Variants in REST observed in about 807,000 individuals in gnomAD.
REST encodes RE1-silencing transcription factor.
REST carries 1 observed loss-of-function variant against 30.4 expected under a neutral mutation model. That is an observed-to-expected ratio of 0.03 (90% confidence interval 0.01 to 0.16). REST has a LOEUF of 0.16. Among genes scored for constraint, REST ranks in the 10% least tolerant of loss-of-function variants. REST has a pLI of 1.00. For missense variants in REST, 1,259 were observed against 1,329.5 expected (o/e 0.95, Z 0.82); for synonymous variants, 504 against 451.1 (o/e 1.12, Z -1.49).
rs756621666 is a variant in REST at position 56,911,041 on chromosome 4, A to C, written c.403A>C (p.Ser135Arg). The change falls in exon 2 of 4, where the codon AGT (serine) becomes CGT (arginine). Residue 135 changes from serine to arginine, a missense_variant. Transcript: ENST00000309042. Reference protein sequence around the residue: ...FEASGAPDIYSSNKDLPPETP... With the variant: ...FEASGAPDIYRSNKDLPPETP... ...GGCATCAGGTGCTCCAGATATTTAC[A>C]GTTCAAATAAAGATCTTCCCCCTGA... is the stretch of plus-strand genomic sequence containing the variant. 1.9e-6 allele frequency: 3 copies of C among 1,614,020 alleles called. No individual in the cohort carries two copies. The highest frequency in any genetic ancestry group is 1.7e-5 in the Admixed American group (1 of 59,992).
intron 3 of REST, among the ~76,000 whole-genome samples, chr4:56,922,847 C>T (rs1277321872): frequency 6.6e-6 from 1 of 152,176 alleles, no homozygotes; most frequent in Non-Finnish European, 1.5e-5. Flanking sequence ...GCTTGATAAT[C>T]TTTCTCGCAA....
chr4:56,930,372 A>C lies in REST; in HGVS notation c.1514A>C (p.His505Pro), dbSNP rs1720903446. 1 of 1,613,902 alleles carries C rather than the reference A, an allele frequency of 6.2e-7. No homozygotes were observed. Among genetic ancestry groups the C allele is most frequent in the Admixed American group, 1.7e-5 (1 of 59,976 alleles). Reference protein sequence around the residue: ...SVTEVKEMDVHTGSNSEKFSK... With the variant: ...SVTEVKEMDVPTGSNSEKFSK... ...ACAGAGGTGAAAGAGATGGATGTGCATACAGGAAGCAATTCAGAAAAATTC... is the reference window on the plus strand; with the variant it reads ...ACAGAGGTGAAAGAGATGGATGTGCCTACAGGAAGCAATTCAGAAAAATTC... The change falls in exon 4 of 4, where the codon CAT (histidine) becomes CCT (proline). Residue 505 changes from histidine to proline, a missense_variant. His to Pro is a moderately conservative substitution (Grantham distance 77). Coordinates refer to ENST00000309042, the MANE Select transcript of REST (RefSeq NM_005612.5).
intron 3 of REST, among the ~76,000 whole-genome samples, chr4:56,920,403 A>G (rs755022698): frequency 1.3e-5 from 2 of 150,908 alleles, no homozygotes; most frequent in Non-Finnish European, 2.9e-5. Context: ...TATTAAGAGT[A>G]TAGGACTGTA....
intron 2 of REST, among the ~76,000 whole-genome samples, chr4:56,918,999 T>A (rs1260802483): frequency 1.3e-5 from 2 of 149,826 alleles, no homozygotes; most frequent in African/African-American, 2.5e-5. Context: ...TTTTTTTTTT[T>A]AAACGAGATG....
chr4:56,913,780 C>G lies in REST; in HGVS notation c.898+2244C>G, dbSNP rs750098337. 1.1e-3 allele frequency among the ~76,000 whole-genome samples: 163 copies of G among 152,170 alleles called. 1 individual carries two copies. Among genetic ancestry groups the G allele is most frequent in the Admixed American group, 1.1e-3 (17 of 15,274 alleles). Reference sequence around the variant, plus strand: ...TCTCATGCCTCAGCCTCCCCAGTAGCTGGGATTATAGGTGCCCACCACCAT... The same window carrying G: ...TCTCATGCCTCAGCCTCCCCAGTAGGTGGGATTATAGGTGCCCACCACCAT... On this transcript the variant is annotated intron_variant, in intron 2 of 3. Transcript: ENST00000309042.
chr4:56,929,810 G>C (rs1720883617), intron 3 of REST, 31 bp from the exon 4 acceptor site: 1 of 1,560,480 alleles, frequency 6.4e-7, no homozygotes, highest in South Asian at 1.2e-5. Flanking sequence ...CTTAATCTAT[G>C]TCTTCTCTCA....
At position 56,931,553 on chromosome 4, in the gene REST, G is replaced by A. The variant is rs867829350; in HGVS notation, c.2695G>A (p.Ala899Thr). ...AGAAGCCCCTCTTCAGAAAGTAGGA[G>A]CAGAAGAGGCAGATGAGAGCCTACC... ...NKEAPLQKVG[A>T]EEADESLPGL... Residue 899 changes from alanine (A) to threonine (T), a missense_variant, in exon 4 of 4, where the codon GCA becomes ACA. By Grantham distance (58) the Ala-to-Thr change is moderately conservative (BLOSUM62 0). Transcript: ENST00000309042. The A allele has an allele frequency of 8.1e-6, 13 of 1,614,080 alleles. No homozygotes were observed. In the African/African-American group the frequency reaches 1.2e-4, roughly 15 times the overall value.
At position 56,933,217 on chromosome 4, in the gene REST, G is replaced by A. The variant is rs1031323156; in HGVS notation, c.*1065G>A. On this transcript the variant is annotated 3_prime_UTR_variant, in exon 4 of 4. Coordinates refer to ENST00000309042, the MANE Select transcript of REST (RefSeq NM_005612.5). The stretch of plus-strand genomic sequence containing the variant: ...ACCAACCATCAGTTTTTTTTTTCAT[G>A]TGTTTTGGTACAGCTAATTCCTAAT... The A allele has an allele frequency of 2.6e-5, 4 of 151,084 alleles. No individual in the cohort carries two copies. The highest frequency in any genetic ancestry group is 9.7e-5 in the African/African-American group (4 of 41,154). The allele number at this position is 151,084 out of a possible 1,614,324, so 9.4% of individuals were successfully genotyped here.
intron 3 of REST, among the ~76,000 whole-genome samples, chr4:56,926,282 G>T (rs11736869): frequency 1.1e-4 from 17 of 151,684 alleles, no homozygotes; most frequent in African/African-American, 3.9e-4. Context: ...ACTGGTCTCC[G>T]GCTCCTGGTC....
At chr4:56,912,595 A>G (rs1323705222) in intron 2 of REST, among the ~76,000 whole-genome samples, 6 of 151,776 alleles carry the variant, frequency 4.0e-5, no homozygotes, top group Admixed American at 2.6e-4. Context: ...GCTCACTGCA[A>G]CCTCTGTCTC....
chr4:56,927,269 G>A (rs1213467066), intron 3 of REST, among the ~76,000 whole-genome samples: 3 of 152,286 alleles, frequency 2.0e-5, no homozygotes, highest in East Asian at 3.9e-4. Flanking sequence ...GTCCACGTAT[G>A]TTAAAATGTT....
At chr4:56,913,524 G>C (rs1221992087) in intron 2 of REST, among the ~76,000 whole-genome samples, 1 of 152,136 alleles carries the variant, frequency 6.6e-6, no homozygotes, top group Admixed American at 6.6e-5. Flanking sequence ...AGGGGGTGTG[G>C]GATGCTGTTT....
chr4:56,924,849 C>T (rs1249730955), intron 3 of REST, among the ~76,000 whole-genome samples: 1 of 151,978 alleles, frequency 6.6e-6, no homozygotes, highest in East Asian at 1.9e-4. Context: ...GTATTGTATG[C>T]CGCCATTACT....
At chr4:56,914,596 G>A (rs1720091458) in intron 2 of REST, among the ~76,000 whole-genome samples, 1 of 152,210 alleles carries the variant, frequency 6.6e-6, no homozygotes, top group Non-Finnish European at 1.5e-5. Flanking sequence ...TAGACAGACT[G>A]TTAGACTAAA....
At position 56,931,875 on chromosome 4, in the gene REST, A is replaced by C. The variant is rs764284810; in HGVS notation, c.3017A>C (p.Asp1006Ala). ...TMAANESQEI[D>A]EDEGIHSHEG... ...GCAGCAAATGAGTCTCAGGAAATTGATGAAGATGAAGGCATCCACAGCCAT... is the reference window on the plus strand; with the variant it reads ...GCAGCAAATGAGTCTCAGGAAATTGCTGAAGATGAAGGCATCCACAGCCAT... The change falls in exon 4 of 4, where the codon GAT (aspartate) becomes GCT (alanine). Residue 1006 changes from aspartate (D) to alanine (A), a missense_variant. This residue lies in a region of REST where 856 missense variants were observed against 772.8 expected (regional missense o/e 1.11). Transcript: ENST00000309042. The C allele has an allele frequency of 2.3e-5, 37 of 1,614,134 alleles. No homozygotes were observed. Among genetic ancestry groups the C allele is most frequent in the Non-Finnish European group, 2.1e-5 (25 of 1,180,056 alleles).
At position 56,935,778 on chromosome 4, in the gene REST, A is replaced by T. The variant is rs946293619; in HGVS notation, c.*3626A>T. On this transcript the variant is annotated 3_prime_UTR_variant, in exon 4 of 4. Transcript: ENST00000309042. ...GTAGGATAAGTTAAACTTAAATTGC[A>T]TTCTATTAACCAATATGAGTGTATT... 6.6e-6 allele frequency: 1 copy of T among 152,238 alleles called. No individual in the cohort carries two copies. Among genetic ancestry groups the T allele is most frequent in the Non-Finnish European group, 1.5e-5 (1 of 68,028 alleles). 9.4% of individuals were successfully genotyped at this position (152,238 alleles called of 1,614,324 possible). A position where few individuals can be genotyped will look rare whatever the true frequency, so the allele number is the denominator to read the frequency against.
At chr4:56,927,767 C>A in intron 3 of REST, 2 of 317,690 alleles carry the variant, frequency 6.3e-6, no homozygotes, top group South Asian at 3.4e-5. Flanking sequence ...ATTTTACATA[C>A]CATATCTATT....
intron 3 of REST, among the ~76,000 whole-genome samples, chr4:56,927,432 G>T (rs1036323802): frequency 7.2e-5 from 11 of 152,206 alleles, no homozygotes; most frequent in Non-Finnish European, 1.6e-4. Flanking sequence ...TGGATAAGGT[G>T]ATTATTTTAT....
chr4:56,921,942 A>G (rs979977019), intron 3 of REST, among the ~76,000 whole-genome samples: 2 of 152,198 alleles, frequency 1.3e-5, no homozygotes, highest in African/African-American at 4.8e-5. Flanking sequence ...TCTACTGGAC[A>G]TTGCTGCCAT....
Sources: allele counts gnomAD v4.1 joint callset (sites outside exome capture counted in the v4.1 genomes callset), GRCh38; gene constraint gnomAD v4.1.1; regional missense constraint gnomAD v4.1.1; transcripts MANE v1.5; gene names NCBI Gene and HGNC (gene_info 2026-07-23, HGNC 2026-07-21).